The following MAP2K2 variants were observed in gnomAD, a reference collection of about 807,000 sequenced individuals.
MAP2K2 encodes dual specificity mitogen-activated protein kinase kinase 2.
MAP2K2 carries 24 observed loss-of-function variants against 43.7 expected under a neutral mutation model. The observed-to-expected ratio is 0.55, with a 90% confidence interval of 0.40 to 0.77. MAP2K2 has a LOEUF of 0.77. Among genes scored for constraint, MAP2K2 ranks in the 30% least tolerant of loss-of-function variants. The pLI, the probability that MAP2K2 is intolerant of heterozygous loss-of-function variation, is 0.00. For synonymous variants in MAP2K2, 244 were observed against 239.7 expected (o/e 1.02, Z -0.17); for missense variants, 470 against 566.8 (o/e 0.83, Z 1.73).
intron 2 of MAP2K2, among the ~76,000 whole-genome samples, chr19:4,116,267 A>G (rs2041219735): frequency 6.6e-6 from 1 of 152,242 alleles, no homozygotes; most frequent in Admixed American, 6.5e-5. Flanking sequence ...GCGGTGGCTC[A>G]TGCCTGTAAT....
chr19:4,094,344 G>T lies in MAP2K2; in HGVS notation c.1092+109C>A. The T allele has an allele frequency of 6.6e-6, 8 of 1,211,536 alleles. No homozygotes were observed. In the South Asian group the frequency reaches 1.0e-4, roughly 16 times the overall value. 75.0% of individuals were successfully genotyped at this position (1,211,536 alleles called of 1,614,324 possible). Reference sequence around the variant, plus strand: ...GCACACCCGGCCTGCCCACATCCTGGTCGCAGGTGCTGGCTCCCCGGGCAG... The same window carrying T: ...GCACACCCGGCCTGCCCACATCCTGTTCGCAGGTGCTGGCTCCCCGGGCAG... On this transcript the variant is annotated intron_variant, in intron 10 of 10. Coordinates refer to ENST00000262948, the MANE Select transcript of MAP2K2 (RefSeq NM_030662.4).
chr19:4,113,298 C>T (rs1448700287), intron 2 of MAP2K2, among the ~76,000 whole-genome samples: 3 of 152,078 alleles, frequency 2.0e-5, no homozygotes, highest in Admixed American at 1.3e-4. Context: ...CTGCACAGGG[C>T]GGCTGCGGCG....
chr19:4,099,540 G>A, intron 6 of MAP2K2, 126 bp from the exon 7 acceptor site: 1 of 773,582 alleles, frequency 1.3e-6, no homozygotes, highest in South Asian at 1.7e-5. Context: ...TGGATAGAGA[G>A]CTGTTACGCA....
In MAP2K2 at chr19:4,090,508, G is replaced by A; in HGVS notation, c.*90C>T. ...CAGGGGTGAGGCAGGAGGGTGGGTGGAGGCGCCAGCCTGTCCTCAGCTGGA... is the reference window on the plus strand; with the variant it reads ...CAGGGGTGAGGCAGGAGGGTGGGTGAAGGCGCCAGCCTGTCCTCAGCTGGA... On this transcript the variant is annotated 3_prime_UTR_variant, in exon 11 of 11. Coordinates refer to ENST00000262948, the MANE Select transcript of MAP2K2 (RefSeq NM_030662.4). 1 of 1,128,126 alleles carries A rather than the reference G, an allele frequency of 8.9e-7. No homozygotes were observed. Among genetic ancestry groups the A allele is most frequent in the Non-Finnish European group, 1.3e-6 (1 of 765,300 alleles). 69.9% of individuals were successfully genotyped at this position (1,128,126 alleles called of 1,614,324 possible).
chr19:4,114,738 C>T (rs923380424), intron 2 of MAP2K2, among the ~76,000 whole-genome samples: 23 of 152,104 alleles, frequency 1.5e-4, no homozygotes, highest in African/African-American at 5.3e-4. Flanking sequence ...TCCTTGAGGT[C>T]AGATGTTTGA....
chr19:4,114,355 T>C (rs1281495033), intron 2 of MAP2K2, among the ~76,000 whole-genome samples: 1 of 152,212 alleles, frequency 6.6e-6, no homozygotes, highest in Non-Finnish European at 1.5e-5. Context: ...TGGCAGCGGC[T>C]TCGACTCAGG....
At chr19:4,097,203 C>A (rs562132266) in intron 8 of MAP2K2, 76 bp downstream of exon 8, 4 of 793,196 alleles carry the variant, frequency 5.0e-6, no homozygotes, top group Non-Finnish European at 5.5e-6. Context: ...AGAGACTCTG[C>A]CTAAAAAAAA....
intron 2 of MAP2K2, among the ~76,000 whole-genome samples, chr19:4,112,154 T>G (rs539387250): frequency 4.0e-4 from 61 of 152,318 alleles, no homozygotes; most frequent in African/African-American, 1.3e-3. Context: ...AGACATGGTT[T>G]CCACTCATCC....
chr19:4,094,849 G>A (rs915242678), intron 9 of MAP2K2: 2 of 427,172 alleles, frequency 4.7e-6, no homozygotes, highest in Non-Finnish European at 8.7e-6. Context: ...CAAGGGCCCG[G>A]GGCAACTCCG....
rs1599313732 is a variant in MAP2K2 at position 4,124,089 on chromosome 19, G to A, written c.-214C>T. On this transcript the variant is annotated 5_prime_UTR_variant, in exon 1 of 11. Coordinates refer to ENST00000262948, the MANE Select transcript of MAP2K2 (RefSeq NM_030662.4). ...CGAGCCGCTACCGCTGCCGAGGCCC[G>A]AAGAAGGCTGACGCCGCAGCCCGAG... 1 of 211,310 alleles carries A rather than the reference G, an allele frequency of 4.7e-6. No homozygotes were observed. Among genetic ancestry groups the A allele is most frequent in the East Asian group, 6.8e-5 (1 of 14,608 alleles). 13.1% of individuals were successfully genotyped at this position (211,310 alleles called of 1,614,324 possible). A position where few individuals can be genotyped will look rare whatever the true frequency, so the allele number is the denominator to read the frequency against.
At position 4,101,453 on chromosome 19, in the gene MAP2K2, A is replaced by G. The variant is rs2041010509; in HGVS notation, c.529-173T>C. Among the ~76,000 whole-genome samples the G allele has an allele frequency of 6.6e-6, 1 of 152,168 alleles. No homozygotes were observed. On this transcript the variant is annotated intron_variant, in intron 4 of 10. Coordinates refer to ENST00000262948, the MANE Select transcript of MAP2K2 (RefSeq NM_030662.4). This position sits in a 1 kb window ranked among gnomAD's most constrained non-coding sequence, Gnocchi z 6.3. ...GAGCAAGCGAGGCCAGAGACGAGAC[A>G]GTGCTGACAGCCCTGTGCTGGCGTG...
At position 4,118,451 on chromosome 19, in the gene MAP2K2, C is replaced by T. The variant is rs563327004; in HGVS notation, c.93-822G>A. On this transcript the variant is annotated intron_variant, in intron 1 of 10. Transcript: ENST00000262948. ...TGCATCAGGTAGGCACGGTGGTGCACGTTTGCAGTCCCAGCTACTTGGGAG... is the reference window on the plus strand; with the variant it reads ...TGCATCAGGTAGGCACGGTGGTGCATGTTTGCAGTCCCAGCTACTTGGGAG... Among the ~76,000 whole-genome samples, 15 of 152,226 alleles carry T rather than the reference C, an allele frequency of 9.9e-5. 1 individual carries two copies. The South Asian group carries it at 1.4e-3, about 15-fold the overall frequency.
intron 10 of MAP2K2, among the ~76,000 whole-genome samples, chr19:4,093,597 G>A (rs2040875822): frequency 6.6e-6 from 1 of 151,982 alleles, no homozygotes; most frequent in South Asian, 2.1e-4. Context: ...AGGCTGACTG[G>A]AGAATTGTGT....
intron 7 of MAP2K2, 98 bp downstream of exon 7, chr19:4,099,103 C>T (rs556154660): frequency 9.9e-6 from 10 of 1,013,730 alleles, no homozygotes; most frequent in South Asian, 4.3e-5. Context: ...ACAGGTGGTG[C>T]GCCAGGGGCA....
Position 4,101,435 on chromosome 19 carries a change from C to T in MAP2K2, c.529-155G>A, listed in dbSNP as rs746489166. ...GAGGAGCTCGCTGGGGTGGAGCAAG[C>T]GAGGCCAGAGACGAGACAGTGCTGA... On this transcript the variant is annotated intron_variant, in intron 4 of 10. Coordinates refer to ENST00000262948, the MANE Select transcript of MAP2K2 (RefSeq NM_030662.4). This position sits in a 1 kb window ranked among gnomAD's most constrained non-coding sequence, Gnocchi z 6.3. Among the ~76,000 whole-genome samples, 23 of 152,154 alleles carry T rather than the reference C, an allele frequency of 1.5e-4. No individual in the cohort carries two copies. Among genetic ancestry groups the T allele is most frequent in the South Asian group, 4.1e-4 (2 of 4,828 alleles).
rs920987947 is a variant in MAP2K2 at position 4,115,926 on chromosome 19, C to A, written c.303+1493G>T. Among the ~76,000 whole-genome samples, 1 of 152,180 alleles carries A rather than the reference C, an allele frequency of 6.6e-6. No homozygotes were observed. The highest frequency in any genetic ancestry group is 1.5e-5 in the Non-Finnish European group (1 of 68,028). On this transcript the variant is annotated intron_variant, in intron 2 of 10. Transcript: ENST00000262948. This position sits in a 1 kb window ranked among gnomAD's most constrained non-coding sequence, Gnocchi z 4.1. The stretch of plus-strand genomic sequence containing the variant: ...AGCCACTGTCCCCAAGTGGTCACAT[C>A]CTCCCTGTATCCCCTGGGCACTATT...
At chr19:4,095,695 G>T (rs951535439) in intron 8 of MAP2K2, among the ~76,000 whole-genome samples, 1 of 151,964 alleles carries the variant, frequency 6.6e-6, no homozygotes, top group African/African-American at 2.4e-5. Context: ...AACCTCTCGA[G>T]TGTCGTCACT....
At chr19:4,096,454 C>T (rs747143053) in intron 8 of MAP2K2, among the ~76,000 whole-genome samples, 45 of 152,234 alleles carry the variant, frequency 3.0e-4, no homozygotes, top group Non-Finnish European at 5.3e-4. Context: ...ACGTGGCCAA[C>T]AGGACCTTGG....
chr19:4,102,939 C>T, intron 3 of MAP2K2: 1 of 1,117,000 alleles, frequency 9.0e-7, no homozygotes, highest in Non-Finnish European at 1.1e-6. Flanking sequence ...GACGCGGGTG[C>T]TGCCCCGCGT....
Sources: allele counts gnomAD v4.1 joint callset (sites outside exome capture counted in the v4.1 genomes callset), GRCh38; gene constraint gnomAD v4.1.1; non-coding constraint Gnocchi (gnomAD v3.1); transcripts MANE v1.5; gene names NCBI Gene and HGNC (gene_info 2026-07-23, HGNC 2026-07-21).